The following GRID2 variants were observed in gnomAD, a reference collection of about 807,000 sequenced individuals.
The protein encoded by GRID2 is glutamate receptor ionotropic, delta-2.
In GRID2, 33 loss-of-function variants were observed where a neutral mutation model predicts 114.8. The ratio of observed to expected loss-of-function variants is 0.29; its 90% CI spans 0.22 to 0.38. The LOEUF (loss-of-function observed/expected upper bound fraction) is 0.38, where lower values mean the gene tolerates loss of function less well. Ranked by LOEUF, GRID2 falls within the 10% of genes least tolerant of loss-of-function variation. The pLI, the probability that GRID2 is intolerant of heterozygous loss-of-function variation, is 1.00. For missense variants in GRID2, 1,184 were observed against 1,257.7 expected, an observed-to-expected ratio of 0.94 and a Z score of 0.89; for synonymous variants, 505 against 449.9, an observed-to-expected ratio of 1.12 and a Z score of -1.55.
intron 1 of GRID2, among the ~76,000 whole-genome samples, chr4:92,562,469 C>T (rs1727141836): frequency 6.6e-6 from 1 of 152,240 alleles, no homozygotes; most frequent in Non-Finnish European, 1.5e-5. Context: ...ATGGTAGGTG[C>T]TTCATTACAG....
chr4:92,649,603 G>A (rs1239211247), intron 2 of GRID2, among the ~76,000 whole-genome samples: 1 of 151,882 alleles, frequency 6.6e-6, no homozygotes, highest in Non-Finnish European at 1.5e-5. Flanking sequence ...AGGTTGACAT[G>A]TAAAATTAAC....
intron 13 of GRID2, among the ~76,000 whole-genome samples, chr4:93,527,349 G>T (rs978505913): frequency 6.6e-6 from 1 of 151,946 alleles, no homozygotes; most frequent in African/African-American, 2.4e-5. Flanking sequence ...GCTATCTGGC[G>T]CCAGCTTTGC....
intron 1 of GRID2, among the ~76,000 whole-genome samples, chr4:92,483,950 C>A (rs1185721445): frequency 6.6e-6 from 1 of 152,068 alleles, no homozygotes; most frequent in Non-Finnish European, 1.5e-5. Flanking sequence ...AGTTAGTTAA[C>A]CTCTCTGATA....
chr4:93,390,564 G>A (rs1764753755), intron 8 of GRID2, among the ~76,000 whole-genome samples: 1 of 152,078 alleles, frequency 6.6e-6, no homozygotes, highest in African/African-American at 2.4e-5. Flanking sequence ...TGTTAGAACA[G>A]GTACTTGAAC....
At chr4:93,607,524 G>A (rs772740893) in intron 13 of GRID2, among the ~76,000 whole-genome samples, 8 of 151,992 alleles carry the variant, frequency 5.3e-5, no homozygotes, top group South Asian at 4.2e-4. Flanking sequence ...ATTTTAATCC[G>A]AAATTTTTAT....
intron 1 of GRID2, among the ~76,000 whole-genome samples, chr4:92,430,975 A>C (rs543617082): frequency 6.6e-6 from 1 of 152,176 alleles, no homozygotes; most frequent in Non-Finnish European, 1.5e-5. Context: ...ACTTTACTGA[A>C]TTTGTTTATC....
intron 2 of GRID2, among the ~76,000 whole-genome samples, chr4:92,865,991 A>G (rs1744835921): frequency 6.6e-6 from 1 of 152,250 alleles, no homozygotes; most frequent in Non-Finnish European, 1.5e-5. Context: ...TAGTAAATTG[A>G]TAAAAAATGG....
chr4:92,970,593 T>A (rs531086140), intron 2 of GRID2, among the ~76,000 whole-genome samples: 1 of 152,138 alleles, frequency 6.6e-6, no homozygotes, highest in Admixed American at 6.6e-5. Context: ...TGAGAGCACA[T>A]ATCTAGAATA....
At chr4:93,694,462 T>C (rs566576746) in intron 14 of GRID2, among the ~76,000 whole-genome samples, 126 of 152,354 alleles carry the variant, frequency 8.3e-4, no homozygotes, top group Non-Finnish European at 1.5e-3. Context: ...TATAGGCCTC[T>C]GGGTCTTGCG....
At chr4:92,638,059 C>T (rs527792871) in intron 2 of GRID2, among the ~76,000 whole-genome samples, 59 of 152,048 alleles carry the variant, frequency 3.9e-4, no homozygotes, top group African/African-American at 1.4e-3. Flanking sequence ...CTATAATCTC[C>T]TGACATGTAT....
rs569794687 is a variant in GRID2, at chr4:93,728,115, G to A, written c.2361-41095G>A. On this transcript the variant is annotated intron_variant, in intron 14 of 15. Coordinates refer to ENST00000282020, the MANE Select transcript of GRID2 (RefSeq NM_001510.4). Reference sequence around the variant, plus strand: ...TTAGATCTTTCCTGCTTTCTCTTGTGGGCATTTAGTGCTATAAATTTCCCT... The same window carrying A: ...TTAGATCTTTCCTGCTTTCTCTTGTAGGCATTTAGTGCTATAAATTTCCCT... Among the ~76,000 whole-genome samples, 18 of 151,826 alleles carry A rather than the reference G, an allele frequency of 1.2e-4. No homozygotes were observed. The East Asian group carries it at 1.9e-3, about 16-fold the overall frequency.
intron 13 of GRID2, among the ~76,000 whole-genome samples, chr4:93,537,267 A>G (rs1226658124): frequency 6.6e-6 from 1 of 151,660 alleles, no homozygotes; most frequent in African/African-American, 2.4e-5. Context: ...CTCTCGATTT[A>G]TTATTTTATG....
chr4:92,496,480 A>G (rs1723395237), intron 1 of GRID2, among the ~76,000 whole-genome samples: 1 of 151,942 alleles, frequency 6.6e-6, no homozygotes, highest in Non-Finnish European at 1.5e-5. Flanking sequence ...GACTACAAGT[A>G]AAAGTTGGAA....
At chr4:93,733,560 A>G (rs571106579) in intron 14 of GRID2, among the ~76,000 whole-genome samples, 28 of 152,218 alleles carry the variant, frequency 1.8e-4, no homozygotes, top group Non-Finnish European at 2.8e-4. Flanking sequence ...CTCTATCTCC[A>G]TCCATATGTC....
In GRID2 at chr4:93,453,316, AAGAGAGAGAGAGAGAG is replaced by A. The variant is rs3044025; in HGVS notation, c.1546-2317_1546-2302del. On this transcript the variant is annotated intron_variant, in intron 10 of 15. Coordinates refer to ENST00000282020, the MANE Select transcript of GRID2 (RefSeq NM_001510.4). ...GACTATACAAAACTCAGAGATGGGA[AAGAGAGAGAGAGAGAG>A]AGAGAGAGAGAGAGAGAGAGAGAGA... Among the ~76,000 whole-genome samples, 861 of 127,158 alleles carry A rather than the reference AAGAGAGAGAGAGAGAG, an allele frequency of 6.8e-3. 8 individuals carry two copies. The highest frequency in any genetic ancestry group is 0.021 in the African/African-American group (676 of 31,850). 83.4% of individuals were successfully genotyped at this position (127,158 alleles called of 152,430 possible).
intron 13 of GRID2, among the ~76,000 whole-genome samples, chr4:93,561,666 A>C (rs1734941289): frequency 6.6e-6 from 1 of 152,040 alleles, no homozygotes; most frequent in Admixed American, 6.6e-5. Context: ...TGCTCTAAAA[A>C]TCCTCTGCAC....
At chr4:93,603,179 C>A (rs530983190) in intron 13 of GRID2, among the ~76,000 whole-genome samples, 1 of 151,916 alleles carries the variant, frequency 6.6e-6, no homozygotes, top group East Asian at 1.9e-4. Context: ...CATTGCACTC[C>A]AGCCTAGGGG....
At chr4:93,789,624 C>T (rs1276827452) in intron 1 of GRID2, among the ~76,000 whole-genome samples, 1 of 152,258 alleles carries the variant, frequency 6.6e-6, no homozygotes, top group South Asian at 2.1e-4. Flanking sequence ...GTAAAACTTC[C>T]AAATGGCCTC....
intron 8 of GRID2, among the ~76,000 whole-genome samples, chr4:93,325,499 CTGT>C (rs1444745489): frequency 5.9e-5 from 9 of 151,950 alleles, no homozygotes; most frequent in Admixed American, 1.3e-4. Context: ...TTATCTCCCT[CTGT>C]TGTTTTCTAG....
Sources: gnomAD v4.1 joint callset for allele counts (sites outside exome capture counted in the v4.1 genomes callset) on GRCh38, gnomAD v4.1.1 for gene constraint, MANE v1.5 for transcripts, NCBI Gene and HGNC (gene_info 2026-07-23, HGNC 2026-07-21) for gene names.